Variants in ALMS1 observed in about 807,000 individuals in gnomAD.
The protein encoded by ALMS1 is centrosome-associated protein ALMS1.
A neutral mutation model predicts 352.2 loss-of-function variants in ALMS1; 271 were observed. That is an observed-to-expected ratio of 0.77 (90% confidence interval 0.70 to 0.85). The LOEUF is 0.85. Ranked by LOEUF, ALMS1 falls within the 40% of genes least tolerant of loss-of-function variation. The pLI, the probability that ALMS1 is intolerant of heterozygous loss-of-function variation, is 0.00. For synonymous variants in ALMS1, 1,865 were observed against 1,761.2 expected, an observed-to-expected ratio of 1.06 and a Z score of -1.48; for missense variants, 5,445 against 4,870.7, an observed-to-expected ratio of 1.12 and a Z score of -3.51.
chr2:73,408,875 T>C, intron 2 of ALMS1, 128 bp downstream of exon 2: 1 of 916,352 alleles, frequency 1.1e-6, no homozygotes, highest in African/African-American at 1.9e-5. Context: ...TTTTTTTTTT[T>C]TTTTTTTTTT....
chr2:73,501,945 G>A (rs1028589643), intron 10 of ALMS1, among the ~76,000 whole-genome samples: 1 of 151,762 alleles, frequency 6.6e-6, no homozygotes, highest in African/African-American at 2.4e-5. Context: ...AATGTCCCCC[G>A]GTGACATATT....
chr2:73,482,854 GT>G (rs1672741862), intron 9 of ALMS1, among the ~76,000 whole-genome samples: 1 of 151,856 alleles, frequency 6.6e-6, no homozygotes, highest in African/African-American at 2.4e-5. Flanking sequence ...AGATTTTCTA[GT>G]TTATTTGCAT....
chr2:73,601,495 A>G (rs1675687992), intron 19 of ALMS1, 59 bp downstream of exon 19: 3 of 1,588,366 alleles, frequency 1.9e-6, no homozygotes, highest in South Asian at 2.3e-5. Flanking sequence ...GGCAAGGCGC[A>G]GAGAAGCTGG....
chr2:73,533,505 T>C (rs995697102), intron 11 of ALMS1, among the ~76,000 whole-genome samples: 1 of 152,136 alleles, frequency 6.6e-6, no homozygotes, highest in Non-Finnish European at 1.5e-5. Flanking sequence ...AGTGGGGGGC[T>C]TTAATGGGAT....
chr2:73,601,267 G>A lies in ALMS1; in HGVS notation c.11945G>A (p.Gly3982Asp), dbSNP rs1449622209. 1 of 1,614,204 alleles carries A rather than the reference G, an allele frequency of 6.2e-7. No homozygotes were observed. The highest frequency in any genetic ancestry group is 8.5e-7 in the Non-Finnish European group (1 of 1,180,028). The change falls in exon 19 of 23, where the codon GGC becomes GAC. Residue 3982 changes from glycine (G) to aspartate (D), a missense_variant. By Grantham distance (94) the Gly-to-Asp change is moderately conservative. Coordinates refer to ENST00000613296, the MANE Select transcript of ALMS1 (RefSeq NM_001378454.1). ...AAGGAAAACGTGCCTAACACTTGTG[G>A]CCCTGGCATCTCCTGGTTTGAACCA... is the stretch of plus-strand genomic sequence containing the variant. Reference protein sequence around the residue: ...SKKENVPNTCGPGISWFEPIT... With the variant: ...SKKENVPNTCDPGISWFEPIT...
chr2:73,435,780 T>C (rs1048415136), intron 7 of ALMS1, among the ~76,000 whole-genome samples: 4 of 152,084 alleles, frequency 2.6e-5, no homozygotes, highest in Non-Finnish European at 4.4e-5. Flanking sequence ...ATTTTTTTGG[T>C]AGAGATGGGA....
intron 16 of ALMS1, among the ~76,000 whole-genome samples, chr2:73,595,159 C>G (rs1293175492): frequency 6.6e-6 from 1 of 152,170 alleles, no homozygotes. Flanking sequence ...ACTCCTGTTC[C>G]CCAGCACCCA....
chr2:73,452,995 G>T lies in ALMS1; in HGVS notation c.6468G>T (p.Leu2156Phe). Residue 2156 changes from leucine (L) to phenylalanine (F), a missense_variant, in exon 8 of 23, where the codon TTG becomes TTT. Physicochemically the swap from Leu to Phe is conservative, Grantham distance 22. Transcript: ENST00000613296. The part of the protein sequence containing the change: ...EKPDIFYQKD[L>F]PDRHLTEDAL... The stretch of plus-strand genomic sequence containing the variant: ...CAGATATTTTCTATCAAAAGGATTT[G>T]CCAGATAGACATCTAACTGAAGATG... 1.9e-6 allele frequency: 3 copies of T among 1,612,608 alleles called. No individual in the cohort carries two copies. The highest frequency in any genetic ancestry group is 1.1e-5 in the South Asian group (1 of 90,974).
At chr2:73,551,902 C>T (rs1184616492) in intron 13 of ALMS1, among the ~76,000 whole-genome samples, 3 of 152,270 alleles carry the variant, frequency 2.0e-5, no homozygotes, top group East Asian at 1.9e-4. Flanking sequence ...CTGTGTATAA[C>T]TATTAGCTAA....
At chr2:73,417,963 A>G (rs1054850628) in intron 2 of ALMS1, among the ~76,000 whole-genome samples, 1 of 152,234 alleles carries the variant, frequency 6.6e-6, no homozygotes, top group Non-Finnish European at 1.5e-5. Context: ...GTCAAGAGGT[A>G]AGTATAGAAA....
intron 11 of ALMS1, 118 bp from the exon 12 acceptor site, chr2:73,534,706 T>G: frequency 9.7e-7 from 1 of 1,032,686 alleles, no homozygotes; most frequent in Non-Finnish European, 1.5e-6. Flanking sequence ...TTTCTCTTTG[T>G]TTACTCATAA....
At chr2:73,420,541 A>G (rs1671263089) in intron 3 of ALMS1, among the ~76,000 whole-genome samples, 1 of 152,174 alleles carries the variant, frequency 6.6e-6, no homozygotes, top group African/African-American at 2.4e-5. Context: ...GCTATTTTTC[A>G]AATTGATGTA....
chr2:73,543,260 T>C (rs1328273153), intron 12 of ALMS1, among the ~76,000 whole-genome samples: 2 of 152,090 alleles, frequency 1.3e-5, no homozygotes, highest in Non-Finnish European at 2.9e-5. Context: ...AAACAAGCAA[T>C]GGGGAAAGGA....
intron 11 of ALMS1, among the ~76,000 whole-genome samples, chr2:73,532,357 G>C (rs2103987261): frequency 6.6e-6 from 1 of 152,318 alleles, no homozygotes; most frequent in East Asian, 1.9e-4. Context: ...CCCTAGGCAG[G>C]TCCAGAATTG....
At chr2:73,515,897 A>T (rs765314618) in intron 10 of ALMS1, among the ~76,000 whole-genome samples, 1 of 152,088 alleles carries the variant, frequency 6.6e-6, no homozygotes, top group East Asian at 1.9e-4. Context: ...ATCTCCCAAG[A>T]TTGAGCCAGG....
chr2:73,562,397 G>A (rs917816676), intron 15 of ALMS1, among the ~76,000 whole-genome samples: 3 of 152,062 alleles, frequency 2.0e-5, no homozygotes, highest in Admixed American at 1.3e-4. Flanking sequence ...TCAATACTGA[G>A]ATGTATGTTT....
rs765233016 is a variant in ALMS1, at chr2:73,451,475, C to T, written c.4948C>T (p.Pro1650Ser). The T allele has an allele frequency of 1.1e-5, 17 of 1,613,934 alleles. No homozygotes were observed. The African/African-American group carries it at 2.3e-4, about 22-fold the overall frequency. Residue 1650 changes from proline (P) to serine (S), a missense_variant, in exon 8 of 23, where the codon CCA (proline) becomes TCA (serine). Transcript: ENST00000613296. ...EVVKVSAAPG[P>S]ADQKTETLPV... is the part of the protein sequence containing the mutation. ...TGTGAAAGTTTCAGCTGCTCCTGGA[C>T]CAGCTGACCAGAAGACTGAGACATT...
chr2:73,420,139 AG>A (rs1349373778), intron 3 of ALMS1, among the ~76,000 whole-genome samples: 1 of 152,174 alleles, frequency 6.6e-6, no homozygotes, highest in Non-Finnish European at 1.5e-5. Context: ...AAATATTTGA[AG>A]GGCTGTTATG....
intron 6 of ALMS1, among the ~76,000 whole-genome samples, chr2:73,428,825 G>C (rs1278960811): frequency 6.6e-6 from 1 of 152,054 alleles, no homozygotes; most frequent in African/African-American, 2.4e-5. Context: ...GGCTTAGCTT[G>C]CTTTCAGGGG....
Sources: gnomAD v4.1 joint callset for allele counts (sites outside exome capture counted in the v4.1 genomes callset) on GRCh38, gnomAD v4.1.1 for gene constraint, MANE v1.5 for transcripts, NCBI Gene and HGNC (gene_info 2026-07-23, HGNC 2026-07-21) for gene names.